SLC38A1: variants seen among roughly 807,000 people sequenced by gnomAD.
SLC38A1 encodes the protein sodium-coupled neutral amino acid symporter 1.
Under a neutral mutation model 60.3 loss-of-function variants are expected in SLC38A1, and 18 were observed. That is an observed-to-expected ratio of 0.30 (90% CI 0.21 to 0.44). SLC38A1 has a LOEUF of 0.44. Ranked by LOEUF, SLC38A1 falls within the 20% of genes least tolerant of loss-of-function variation. The pLI, the probability that SLC38A1 is intolerant of heterozygous loss-of-function variation, is 1.00. For synonymous variants in SLC38A1, 196 were observed against 212.1 expected, an observed-to-expected ratio of 0.92 and a Z score of 0.66; for missense variants, 448 against 587.2, an observed-to-expected ratio of 0.76 and a Z score of 2.45.
At chr12:46,211,635 C>A (rs1014826698) in intron 5 of SLC38A1, among the ~76,000 whole-genome samples, 10 of 152,126 alleles carry the variant, frequency 6.6e-5, no homozygotes, top group Admixed American at 4.6e-4. Context: ...AACTGCTATC[C>A]CCCCTTTTCA....
At chr12:46,257,033 T>C (rs1238378383) in intron 1 of SLC38A1, among the ~76,000 whole-genome samples, 1 of 152,052 alleles carries the variant, frequency 6.6e-6, no homozygotes, top group Non-Finnish European at 1.5e-5. Context: ...GAAGGCGAAA[T>C]GCTCAGGGAG....
chr12:46,252,099 C>T (rs1003428774), intron 1 of SLC38A1, among the ~76,000 whole-genome samples: 3 of 152,008 alleles, frequency 2.0e-5, no homozygotes, highest in South Asian at 4.2e-4. Context: ...AAATGTCCAT[C>T]GATGATAGAC....
intron 8 of SLC38A1, among the ~76,000 whole-genome samples, chr12:46,206,443 T>C (rs537220519): frequency 6.6e-6 from 1 of 152,268 alleles, no homozygotes; most frequent in South Asian, 2.1e-4. Flanking sequence ...GTTTCAAAGC[T>C]GAATGCACAC....
At chr12:46,257,340 C>A (rs561636119) in intron 1 of SLC38A1, among the ~76,000 whole-genome samples, 1 of 152,302 alleles carries the variant, frequency 6.6e-6, no homozygotes, top group African/African-American at 2.4e-5. Context: ...GGACTTCTAA[C>A]CCCCTAAATC....
At chr12:46,219,647 T>G (rs551096445) in intron 5 of SLC38A1, among the ~76,000 whole-genome samples, 45 of 152,290 alleles carry the variant, frequency 3.0e-4, no homozygotes, top group Admixed American at 1.6e-3. Flanking sequence ...GTAATAAAAG[T>G]TCAAGCTAAC....
Position 46,207,564 on chromosome 12 carries a change from A to G in SLC38A1, c.446T>C (p.Val149Ala), listed in dbSNP as rs1455276241. 4 of 1,614,038 alleles carry G rather than the reference A, an allele frequency of 2.5e-6. No individual in the cohort carries two copies. Among genetic ancestry groups the G allele is most frequent in the Non-Finnish European group, 2.5e-6 (3 of 1,179,882 alleles). ...CTGTAGAGAGGTGGCTCCAAAGATT[A>G]CGAACTTCCCTGTGGTGCCAAAGAC... ...EQVFGTTGKFVIFGATSLQNT... is the reference protein window; with the variant it reads ...EQVFGTTGKFAIFGATSLQNT... The change falls in exon 7 of 17, where the codon GTA becomes GCA. Residue 149 changes from valine (V) to alanine (A), a missense_variant. This residue lies in a region of SLC38A1 where 346 missense variants were observed against 497.5 expected (regional missense o/e 0.70). Coordinates refer to ENST00000398637, the MANE Select transcript of SLC38A1 (RefSeq NM_030674.4).
intron 1 of SLC38A1, among the ~76,000 whole-genome samples, chr12:46,257,720 G>A (rs1387291673): frequency 3.3e-5 from 5 of 152,092 alleles, no homozygotes; most frequent in African/African-American, 4.8e-5. Context: ...CTAGCCTTTG[G>A]ATCAGGGGTT....
chr12:46,221,550 A>G (rs2137657565), intron 5 of SLC38A1, among the ~76,000 whole-genome samples: 1 of 152,308 alleles, frequency 6.6e-6, no homozygotes, highest in Non-Finnish European at 1.5e-5. Flanking sequence ...TAAATTTGCA[A>G]CAATAATGAA....
intron 13 of SLC38A1, among the ~76,000 whole-genome samples, chr12:46,200,396 T>C (rs1286275809): frequency 1.3e-5 from 2 of 151,714 alleles, no homozygotes; most frequent in African/African-American, 4.8e-5. Flanking sequence ...CACACACATA[T>C]ATATACACAT....
chr12:46,210,097 C>T (rs757569369), intron 5 of SLC38A1, among the ~76,000 whole-genome samples: 29 of 152,114 alleles, frequency 1.9e-4, no homozygotes, highest in Admixed American at 5.9e-4. Flanking sequence ...CACATCATGC[C>T]GTTCGCTCTG....
rs766441561 is a variant in SLC38A1 at position 46,229,173 on chromosome 12, G to A, written c.294C>T (p.Asn98=). The A allele has an allele frequency of 2.5e-6, 4 of 1,612,206 alleles. No homozygotes were observed. The highest frequency in any genetic ancestry group is 2.2e-5 in the South Asian group (2 of 90,764). Residue 98 remains asparagine (N), a synonymous_variant, in exon 5 of 17, where the codon AAC becomes AAT. Coordinates refer to ENST00000398637, the MANE Select transcript of SLC38A1 (RefSeq NM_030674.4). ...CTCACAGAAAAAGTAGGATTCCAGT[G>A]TTTGCCAGGGCAAAGGCGAGTCCCA... ...GILGLAFALA[N]TGILLFLVLL... is the part of the protein sequence containing the mutation.
chr12:46,235,413 G>A (rs1322908802), intron 3 of SLC38A1, among the ~76,000 whole-genome samples: 1 of 152,074 alleles, frequency 6.6e-6, no homozygotes, highest in African/African-American at 2.4e-5. Context: ...AAAATGAAAG[G>A]GAAGAAGCAA....
chr12:46,217,873 C>A (rs1940484336), intron 5 of SLC38A1, among the ~76,000 whole-genome samples: 1 of 152,194 alleles, frequency 6.6e-6, no homozygotes, highest in Admixed American at 6.5e-5. Flanking sequence ...CTTTCCATTT[C>A]TTTCCTTGTA....
chr12:46,246,987 C>T (rs1941642760), intron 1 of SLC38A1, among the ~76,000 whole-genome samples: 1 of 152,142 alleles, frequency 6.6e-6, no homozygotes, highest in African/African-American at 2.4e-5. Context: ...ATAGCATCAA[C>T]ATCAACAAAA....
chr12:46,196,242 C>T, intron 16 of SLC38A1: 4 of 1,536,046 alleles, frequency 2.6e-6, no homozygotes, highest in Non-Finnish European at 3.5e-6. Context: ...TGAGAGCCAA[C>T]AGGGCTGGAC....
chr12:46,195,900 G>A, intron 16 of SLC38A1: 1 of 383,980 alleles, frequency 2.6e-6, no homozygotes, highest in South Asian at 2.3e-5. Flanking sequence ...CTGACCCCTT[G>A]TGCTTCCTGG....
At chr12:46,198,812 G>A in intron 13 of SLC38A1, 69 bp from the exon 14 acceptor site, 2 of 877,342 alleles carry the variant, frequency 2.3e-6, no homozygotes, top group Non-Finnish European at 3.6e-6. Flanking sequence ...CAGTTTTTCT[G>A]AAAAACAAAG....
intron 1 of SLC38A1, among the ~76,000 whole-genome samples, chr12:46,251,871 T>C (rs1187257672): frequency 6.6e-6 from 1 of 152,076 alleles, no homozygotes; most frequent in East Asian, 1.9e-4. Flanking sequence ...GAAATAGGAA[T>C]GCTTTTACAC....
chr12:46,206,276 C>A, intron 8 of SLC38A1, 114 bp from the exon 9 acceptor site: 1 of 544,432 alleles, frequency 1.8e-6, no homozygotes, highest in Non-Finnish European at 3.2e-6. Flanking sequence ...TTACTATATG[C>A]ATTAATTTTT....
Sources: gnomAD v4.1 joint callset for allele counts (sites outside exome capture counted in the v4.1 genomes callset) on GRCh38, gnomAD v4.1.1 for gene constraint, gnomAD v4.1.1 regional missense constraint, MANE v1.5 for transcripts, NCBI Gene and HGNC (gene_info 2026-07-23, HGNC 2026-07-21) for gene names.